Variants in ANKRD27 observed in about 807,000 individuals in gnomAD.
ANKRD27 encodes ankyrin repeat domain 27.
In ANKRD27, 112 loss-of-function variants were observed where a neutral mutation model predicts 129.7. The observed-to-expected ratio is 0.86, with a 90% confidence interval of 0.74 to 1.01. The LOEUF is 1.01. ANKRD27 is among the 50% of genes least tolerant of loss of function. ANKRD27 has a pLI of 0.00. For missense variants in ANKRD27, 1,258 were observed against 1,300.5 expected, an observed-to-expected ratio of 0.97 and a Z score of 0.50; for synonymous variants, 516 against 511.2, an observed-to-expected ratio of 1.01 and a Z score of -0.13.
At chr19:32,646,771 T>G (rs1343452977) in intron 3 of ANKRD27, among the ~76,000 whole-genome samples, 156 bp from the exon 4 acceptor site, 1 of 152,206 alleles carries the variant, frequency 6.6e-6, no homozygotes, top group Non-Finnish European at 1.5e-5. Flanking sequence ...CTCATTTTGA[T>G]ACTAAAATGT....
At chr19:32,629,603 G>A (rs1966953641) in intron 13 of ANKRD27, among the ~76,000 whole-genome samples, 1 of 152,132 alleles carries the variant, frequency 6.6e-6, no homozygotes, top group South Asian at 2.1e-4. Flanking sequence ...GGGAGGCTGA[G>A]GCAGGAGAAT....
chr19:32,631,768 GC>G (rs1397825029), intron 12 of ANKRD27, among the ~76,000 whole-genome samples: 1 of 152,174 alleles, frequency 6.6e-6, no homozygotes, highest in Non-Finnish European at 1.5e-5. Context: ...GCCATCTCCA[GC>G]GTGGAATGCG....
In ANKRD27 at chr19:32,658,975, TAG is replaced by T. The variant is rs1568419092; in HGVS notation, c.39_40del (p.Phe13LeufsTer10). On this transcript the variant is annotated frameshift_variant, in exon 2 of 29. Transcript: ENST00000306065. LOFTEE classifies it high-confidence loss of function. The stretch of plus-strand genomic sequence containing the variant: ...AGGGCGGCACTTTTGCAGAGCCAGA[TAG>T]AAAGGATTTTTCAGGAGGTCTTCAT... 1 of 1,613,898 alleles carries T rather than the reference TAG, an allele frequency of 6.2e-7. No homozygotes were observed. The highest frequency in any genetic ancestry group is 1.7e-5 in the Admixed American group (1 of 59,966).
rs111614092 is a variant in ANKRD27 at position 32,646,467 on chromosome 19, T to C, written c.362A>G (p.Glu121Gly). 3 of 1,604,712 alleles carry C rather than the reference T, an allele frequency of 1.9e-6. No homozygotes were observed. The highest frequency in any genetic ancestry group is 2.2e-5 in the East Asian group (1 of 44,840). Residue 121 changes from glutamate to glycine, a missense_variant, in exon 4 of 29, where the codon GAG becomes GGG. Glu to Gly is a moderately conservative substitution (Grantham distance 98). Transcript: ENST00000306065. ...TTTTTCTCCCAGAATACCTGAACTC[T>C]CTCTCTTTTCCAAAGGATGGGCTAT... Reference protein sequence around the residue: ...LCIAHPLEKRESSEEPLAPSD... With the variant: ...LCIAHPLEKRGSSEEPLAPSD...
At chr19:32,602,376 C>A (rs1308816537) in intron 25 of ANKRD27, among the ~76,000 whole-genome samples, 1 of 152,010 alleles carries the variant, frequency 6.6e-6, no homozygotes, top group Non-Finnish European at 1.5e-5. Context: ...TTCAACCACT[C>A]CATGCAACCA....
At chr19:32,662,653 G>C (rs559255343) in intron 1 of ANKRD27, among the ~76,000 whole-genome samples, 5 of 152,050 alleles carry the variant, frequency 3.3e-5, no homozygotes, top group African/African-American at 1.2e-4. Context: ...GACATGGGAG[G>C]ATCGCTTGAG....
At chr19:32,617,700 A>T (rs1971940672) in intron 20 of ANKRD27, 67 bp from the exon 21 acceptor site, 1 of 641,422 alleles carries the variant, frequency 1.6e-6, no homozygotes, top group African/African-American at 1.9e-5. Flanking sequence ...GAAATAATAT[A>T]AACATTCTGA....
rs894281944 is a variant in ANKRD27, at chr19:32,639,005, C to T, written c.1116+351G>A. 17 of 383,130 alleles carry T rather than the reference C, an allele frequency of 4.4e-5. No homozygotes were observed. The South Asian group carries it at 4.7e-4, about 11-fold the overall frequency. The allele number at this position is 383,130 out of a possible 1,614,324, so 23.7% of individuals were successfully genotyped here. On this transcript the variant is annotated intron_variant, in intron 12 of 28. Coordinates refer to ENST00000306065, the MANE Select transcript of ANKRD27 (RefSeq NM_032139.3). ...CCACAGAGGTTTCCGGCTGGAAAAG[C>T]GACAGTCCAGGGATCCCGTGACATC...
chr19:32,607,517 C>T, intron 23 of ANKRD27, 118 bp downstream of exon 23: 1 of 1,250,054 alleles, frequency 8.0e-7, no homozygotes, highest in South Asian at 1.3e-5. Flanking sequence ...AATCTCAGGG[C>T]TCGGGGGAGC....
chr19:32,665,323 T>G (rs567614639), intron 1 of ANKRD27, among the ~76,000 whole-genome samples: 1 of 149,230 alleles, frequency 6.7e-6, no homozygotes, highest in Non-Finnish European at 1.5e-5. Context: ...AGAGTCTCGC[T>G]CTCTCACCCA....
chr19:32,658,763 G>C, intron 2 of ANKRD27, 151 bp downstream of exon 2: 1 of 682,246 alleles, frequency 1.5e-6, no homozygotes, highest in East Asian at 2.7e-5. Context: ...CGGCTCATGG[G>C]GGCCCCTCGC....
intron 1 of ANKRD27, among the ~76,000 whole-genome samples, chr19:32,668,068 A>G (rs1170733444): frequency 6.6e-6 from 1 of 152,196 alleles, no homozygotes; most frequent in African/African-American, 2.4e-5. Flanking sequence ...TATTCCTTGG[A>G]ACTAATGGTA....
chr19:32,673,775 A>C (rs1319327392), intron 1 of ANKRD27, among the ~76,000 whole-genome samples: 2 of 152,250 alleles, frequency 1.3e-5, no homozygotes, highest in African/African-American at 4.8e-5. Flanking sequence ...GGGTGACAGC[A>C]GGCCCCGGGG....
intron 1 of ANKRD27, among the ~76,000 whole-genome samples, chr19:32,659,596 C>G (rs1967609199): frequency 1.3e-5 from 2 of 152,148 alleles, no homozygotes; most frequent in South Asian, 4.1e-4. Context: ...TTTAGAATAT[C>G]CTACATGACC....
At chr19:32,620,320 A>G (rs1187026928) in intron 18 of ANKRD27, among the ~76,000 whole-genome samples, 1 of 151,664 alleles carries the variant, frequency 6.6e-6, no homozygotes, top group Non-Finnish European at 1.5e-5. Context: ...GCACTTTGGG[A>G]GGCCTAGGTG....
intron 13 of ANKRD27, 133 bp from the exon 14 acceptor site, chr19:32,628,982 G>A (rs1966941775): frequency 1.1e-6 from 1 of 883,546 alleles, no homozygotes; most frequent in Non-Finnish European, 1.7e-6. Flanking sequence ...GTGCAATGGT[G>A]TGATCTCAGC....
chr19:32,627,829 G>C (rs1334930703), intron 15 of ANKRD27, among the ~76,000 whole-genome samples: 1 of 152,266 alleles, frequency 6.6e-6, no homozygotes, highest in Non-Finnish European at 1.5e-5. Flanking sequence ...CAGCCTGCGG[G>C]AGCGTTAGGC....
chr19:32,672,137 C>T (rs259282), intron 1 of ANKRD27, among the ~76,000 whole-genome samples: 74,253 of 152,168 alleles, frequency 0.49, 21,043 homozygotes, highest in Non-Finnish European at 0.65. Flanking sequence ...CTGCGATGGC[C>T]GTTCCCGCCC....
At chr19:32,645,438 AT>A (rs1421851431) in intron 4 of ANKRD27, among the ~76,000 whole-genome samples, 1 of 151,236 alleles carries the variant, frequency 6.6e-6, no homozygotes, top group African/African-American at 2.4e-5. Flanking sequence ...AATAATAATA[AT>A]TTATTTTATT....
Sources: gnomAD v4.1 joint callset for allele counts (sites outside exome capture counted in the v4.1 genomes callset) on GRCh38, gnomAD v4.1.1 for gene constraint, MANE v1.5 for transcripts, NCBI Gene and HGNC (gene_info 2026-07-23, HGNC 2026-07-21) for gene names.